Variants in KAZN observed in about 807,000 individuals in gnomAD.
KAZN encodes the protein kazrin, periplakin interacting protein, also known as kazrin.
A neutral mutation model predicts 87.4 loss-of-function variants in KAZN; 40 were observed. The ratio of observed to expected loss-of-function variants is 0.46; its 90% CI spans 0.36 to 0.60. The LOEUF is 0.60. Among genes scored for constraint, KAZN ranks in the 20% least tolerant of loss-of-function variants. The pLI, the probability that KAZN is intolerant of heterozygous loss-of-function variation, is 0.00. For missense variants in KAZN, 898 were observed against 1,073.9 expected, an observed-to-expected ratio of 0.84 and a Z score of 2.29; for synonymous variants, 466 against 458.3, an observed-to-expected ratio of 1.02 and a Z score of -0.22.
In KAZN at chr1:14,789,760, CAAAAAAAAAAAAAAAAAA is replaced by C. The variant is rs3032757; in HGVS notation, c.227-170904_227-170887del. Among the ~76,000 whole-genome samples the C allele has an allele frequency of 5.6e-4, 26 of 46,252 alleles. 2 individuals carry two copies. The South Asian group carries it at 0.013, about 22-fold the overall frequency. The allele number at this position is 46,252 out of a possible 152,430, so 30.3% of individuals were successfully genotyped here. ...GCAAGGACTCTAAGCTCCTCATTAC[CAAAAAAAAAAAAAAAAAA>C]AAAAAAAAAAAAAAAAAAATCCCTA... On this transcript the variant is annotated intron_variant, in intron 1 of 14. Coordinates refer to ENST00000376030, the MANE Select transcript of KAZN (RefSeq NM_201628.3).
chr1:14,931,652 G>A (rs1204362157), intron 1 of KAZN, among the ~76,000 whole-genome samples: 4 of 152,234 alleles, frequency 2.6e-5, no homozygotes, highest in East Asian at 1.9e-4. Flanking sequence ...AGTACCCTGC[G>A]TAATTTTGGC....
At chr1:14,866,554 C>A (rs1651482522) in intron 1 of KAZN, among the ~76,000 whole-genome samples, 1 of 152,048 alleles carries the variant, frequency 6.6e-6, no homozygotes, top group African/African-American at 2.4e-5. Context: ...ATCTTTTGCC[C>A]CCGTCTCTGC....
intron 8 of KAZN, among the ~76,000 whole-genome samples, chr1:15,080,540 A>C (rs1474550743): frequency 6.6e-6 from 1 of 152,214 alleles, no homozygotes; most frequent in Admixed American, 6.5e-5. Flanking sequence ...CCTGTGGGCT[A>C]CCACAGAAGC....
chr1:14,030,011 G>C (rs1210599328), intron 1 of KAZN, among the ~76,000 whole-genome samples: 1 of 152,130 alleles, frequency 6.6e-6, no homozygotes, highest in Non-Finnish European at 1.5e-5. Flanking sequence ...ATTCTTTGAA[G>C]AAAGTCATTG....
In KAZN at chr1:13,978,102, C is replaced by T. The variant is rs570305304; in HGVS notation, c.91+84346C>T. On this transcript the variant is annotated intron_variant, in intron 1 of 16. Coordinates refer to the KAZN transcript ENST00000636203. ...GAGATCGTGCCACTGCACTCCAGCC[C>T]GGGTGACAGAGCAAGACTCCATCTC... Among the ~76,000 whole-genome samples, 15 of 111,594 alleles carry T rather than the reference C, an allele frequency of 1.3e-4. No homozygotes were observed. In the South Asian group the frequency reaches 3.9e-3, roughly 29 times the overall value. 73.2% of individuals were successfully genotyped at this position (111,594 alleles called of 152,430 possible). A position where few individuals can be genotyped will look rare whatever the true frequency, so the allele number is the denominator to read the frequency against.
intron 2 of KAZN, among the ~76,000 whole-genome samples, chr1:14,186,536 C>A (rs1032177142): frequency 1.3e-5 from 2 of 152,154 alleles, no homozygotes; most frequent in African/African-American, 4.8e-5. Context: ...GACAACTTGG[C>A]TCCAACCATT....
At chr1:14,390,328 T>C (rs977153281) in intron 2 of KAZN, among the ~76,000 whole-genome samples, 22 of 152,300 alleles carry the variant, frequency 1.4e-4, no homozygotes, top group Middle Eastern at 3.4e-3. Context: ...ATGTACAGTA[T>C]GATTTATAAT....
chr1:14,776,337 A>G (rs1645175231), intron 1 of KAZN, among the ~76,000 whole-genome samples: 1 of 152,120 alleles, frequency 6.6e-6, no homozygotes, highest in African/African-American at 2.4e-5. Flanking sequence ...GGGCCAAGGA[A>G]TAGTAACGCA....
chr1:15,105,560 T>A (rs1167724844), intron 13 of KAZN, among the ~76,000 whole-genome samples: 2 of 152,032 alleles, frequency 1.3e-5, no homozygotes, highest in Admixed American at 6.6e-5. Flanking sequence ...GTTTGAGTTT[T>A]GTTTTTTTTT....
At chr1:14,537,182 A>T (rs1324815309) in intron 2 of KAZN, among the ~76,000 whole-genome samples, 1 of 152,160 alleles carries the variant, frequency 6.6e-6, no homozygotes, top group Non-Finnish European at 1.5e-5. Context: ...GAATTTTGAG[A>T]CAGTTCCTAA....
chr1:14,297,639 A>G (rs1399493484), intron 2 of KAZN, among the ~76,000 whole-genome samples: 1 of 151,970 alleles, frequency 6.6e-6, no homozygotes, highest in African/African-American at 2.4e-5. Context: ...CATCCACCCT[A>G]GGGGATGCAG....
At chr1:15,046,169 A>G (rs1468766227) in intron 4 of KAZN, among the ~76,000 whole-genome samples, 2 of 152,016 alleles carry the variant, frequency 1.3e-5, no homozygotes, top group Non-Finnish European at 2.9e-5. Context: ...ATGGCGGTGG[A>G]TGCCTGTAAT....
At chr1:14,279,977 C>A (rs1652713253) in intron 2 of KAZN, among the ~76,000 whole-genome samples, 1 of 152,066 alleles carries the variant, frequency 6.6e-6, no homozygotes, top group Non-Finnish European at 1.5e-5. Context: ...AATCGTGTCC[C>A]CCCAAAAATC....
At chr1:14,072,330 C>A (rs921763593) in intron 1 of KAZN, among the ~76,000 whole-genome samples, 1 of 152,078 alleles carries the variant, frequency 6.6e-6, no homozygotes, top group East Asian at 1.9e-4. Context: ...CATCTAGGAC[C>A]AGGAGGACTT....
intron 1 of KAZN, among the ~76,000 whole-genome samples, chr1:13,932,490 G>C (rs572988121): frequency 6.6e-6 from 1 of 152,114 alleles, no homozygotes; most frequent in African/African-American, 2.4e-5. Flanking sequence ...TTGATCTCCT[G>C]ACCTCGTGAT....
Position 14,773,691 on chromosome 1 carries a change from G to T in KAZN, c.226+174468G>T, listed in dbSNP as rs1645086421. On this transcript the variant is annotated intron_variant, in intron 1 of 14. Coordinates refer to ENST00000376030, the MANE Select transcript of KAZN (RefSeq NM_201628.3). This position sits in a 1 kb window ranked among gnomAD's most constrained non-coding sequence, Gnocchi z 5.9. ...CATAGCCAGTGCCTCTATGCAGCCG[G>T]TTACCCATTGGCGTCACTTAGCCTG... Among the ~76,000 whole-genome samples, 1 of 152,116 alleles carries T rather than the reference G, an allele frequency of 6.6e-6. No homozygotes were observed. Among genetic ancestry groups the T allele is most frequent in the Non-Finnish European group, 1.5e-5 (1 of 68,030 alleles).
At chr1:14,265,061 T>G (rs1007971928) in intron 2 of KAZN, among the ~76,000 whole-genome samples, 1 of 152,230 alleles carries the variant, frequency 6.6e-6, no homozygotes, top group African/African-American at 2.4e-5. Flanking sequence ...TAAGTCTTAT[T>G]TATATCAATA....
chr1:14,537,943 G>A (rs1424576339), intron 2 of KAZN, among the ~76,000 whole-genome samples: 1 of 152,120 alleles, frequency 6.6e-6, no homozygotes, highest in East Asian at 1.9e-4. Flanking sequence ...ATAATAAATG[G>A]GGGTTATTAT....
At chr1:14,637,341 A>G (rs1392572706) in intron 1 of KAZN, among the ~76,000 whole-genome samples, 3 of 152,194 alleles carry the variant, frequency 2.0e-5, no homozygotes, top group Non-Finnish European at 4.4e-5. Flanking sequence ...CTTTGCTTAC[A>G]TTAACTTATT....
Sources: allele counts gnomAD v4.1 joint callset (sites outside exome capture counted in the v4.1 genomes callset), GRCh38; gene constraint gnomAD v4.1.1; non-coding constraint Gnocchi (gnomAD v3.1); transcripts MANE v1.5; gene names NCBI Gene and HGNC (gene_info 2026-07-23, HGNC 2026-07-21).